BCKDHB: variants seen among roughly 807,000 people sequenced by gnomAD.
BCKDHB encodes the protein 2-oxoisovalerate dehydrogenase subunit beta, mitochondrial.
A neutral mutation model predicts 48.5 loss-of-function variants in BCKDHB; 41 were observed. The ratio of observed to expected loss-of-function variants is 0.85; its 90% CI spans 0.66 to 1.10. BCKDHB has a LOEUF of 1.10. Among genes scored for constraint, BCKDHB ranks in the 50% least tolerant of loss-of-function variants. The probability of loss-of-function intolerance (pLI) is 0.00; values close to 1 mark genes in which losing one functional copy is unlikely to be tolerated. For missense variants in BCKDHB, 496 were observed against 494.2 expected (o/e 1.00, Z -0.03); for synonymous variants, 201 against 174.8 (o/e 1.15, Z -1.18).
rs554814618 is a variant in BCKDHB, at chr6:80,139,965, T to C, written c.343+10736T>C. Among the ~76,000 whole-genome samples the C allele has an allele frequency of 1.7e-3, 257 of 152,162 alleles. 1 individual carries two copies. The highest frequency in any genetic ancestry group is 5.8e-3 in the African/African-American group (242 of 41,526). On this transcript the variant is annotated intron_variant, in intron 3 of 9. Transcript: ENST00000320393. Reference sequence around the variant, plus strand: ...GAAATGTTCTTCCATTTGTTTGTATTCTCTTTTATTTCATTGAGCAGTGGT... The same window carrying C: ...GAAATGTTCTTCCATTTGTTTGTATCCTCTTTTATTTCATTGAGCAGTGGT...
the BCKDHB span, among the ~76,000 whole-genome samples, chr6:80,432,141 T>A: frequency 5.7e-3 from 868 of 152,282 alleles, 9 homozygotes; most frequent in African/African-American, 0.019. Flanking sequence ...TCCTTCATTT[T>A]AATCCTGGTG....
At chr6:80,191,591 T>G (rs1370837769) in intron 6 of BCKDHB, among the ~76,000 whole-genome samples, 1 of 152,230 alleles carries the variant, frequency 6.6e-6, no homozygotes, top group African/African-American at 2.4e-5. Context: ...TATTGGATTG[T>G]GACTTAAAAA....
chr6:80,380,577 GACAA>G, the BCKDHB span, among the ~76,000 whole-genome samples: 2 of 151,728 alleles, frequency 1.3e-5, no homozygotes, highest in Non-Finnish European at 3.0e-5. Flanking sequence ...AGCAAAAACA[GACAA>G]ACAGACTCAA....
At chr6:80,332,849 G>T (rs1344394677) in intron 9 of BCKDHB, among the ~76,000 whole-genome samples, 3 of 151,782 alleles carry the variant, frequency 2.0e-5, no homozygotes, top group Admixed American at 6.6e-5. Context: ...CAGGCAAACG[G>T]CTAGGAATTA....
intron 9 of BCKDHB, among the ~76,000 whole-genome samples, chr6:80,336,094 G>A (rs1769577328): frequency 6.6e-6 from 1 of 151,766 alleles, no homozygotes; most frequent in Admixed American, 6.6e-5. Flanking sequence ...CTATAGTTTT[G>A]AGAAAATAGT....
At chr6:80,330,273 T>C (rs538959760) in intron 9 of BCKDHB, among the ~76,000 whole-genome samples, 1 of 152,210 alleles carries the variant, frequency 6.6e-6, no homozygotes, top group East Asian at 1.9e-4. Flanking sequence ...AGTGGATGAG[T>C]TGAAGGTTCA....
chr6:80,170,492 TC>T (rs1772854790), intron 5 of BCKDHB, among the ~76,000 whole-genome samples: 1 of 152,190 alleles, frequency 6.6e-6, no homozygotes, highest in African/African-American at 2.4e-5. Context: ...GACTCTTTGA[TC>T]AAGCAAGTCG....
At chr6:80,113,162 C>T (rs1458378703) in intron 1 of BCKDHB, among the ~76,000 whole-genome samples, 2 of 152,206 alleles carry the variant, frequency 1.3e-5, no homozygotes, top group South Asian at 2.1e-4. Flanking sequence ...TCACCTGAAA[C>T]GTGTGAATTC....
At chr6:80,111,370 A>G (rs1408228626) in intron 1 of BCKDHB, among the ~76,000 whole-genome samples, 1 of 152,146 alleles carries the variant, frequency 6.6e-6, no homozygotes, top group Non-Finnish European at 1.5e-5. Context: ...GCACTGCTAG[A>G]GTTTTGCCTT....
chr6:80,405,788 A>T, the BCKDHB span, among the ~76,000 whole-genome samples: 1 of 152,266 alleles, frequency 6.6e-6, no homozygotes, highest in African/African-American at 2.4e-5. Flanking sequence ...TTTAATACTG[A>T]TAGCATATAA....
At chr6:80,276,246 T>A (rs1199656112) in intron 9 of BCKDHB, among the ~76,000 whole-genome samples, 1 of 152,016 alleles carries the variant, frequency 6.6e-6, no homozygotes, top group Non-Finnish European at 1.5e-5. Flanking sequence ...CCTACAAAAT[T>A]GCTTTTAAAA....
intron 3 of BCKDHB, among the ~76,000 whole-genome samples, chr6:80,166,950 C>CT (rs1001274473): frequency 6.6e-6 from 1 of 151,792 alleles, no homozygotes; most frequent in African/African-American, 2.4e-5. Flanking sequence ...TTTGGTATGC[C>CT]TTTTTTGTCA....
chr6:80,158,301 C>A (rs1457023375), intron 3 of BCKDHB, among the ~76,000 whole-genome samples: 1 of 152,116 alleles, frequency 6.6e-6, no homozygotes, highest in African/African-American at 2.4e-5. Flanking sequence ...TTTTTATCTT[C>A]TTTAATTTGT....
the BCKDHB span, among the ~76,000 whole-genome samples, chr6:80,388,767 G>C: frequency 1.3e-5 from 2 of 152,176 alleles, no homozygotes; most frequent in African/African-American, 2.4e-5. Context: ...CTGGTTCACA[G>C]ATGATTCTGC....
At chr6:80,342,556 G>GAAAAAAAA (rs34127398) in intron 9 of BCKDHB, among the ~76,000 whole-genome samples, 5 of 24,092 alleles carry the variant, frequency 2.1e-4, no homozygotes, top group Admixed American at 1.4e-3. Flanking sequence ...CCTCATTTCT[G>GAAAAAAAA]AAAAAAAAAA....
intron 1 of BCKDHB, among the ~76,000 whole-genome samples, chr6:80,119,863 T>G (rs1180819476): frequency 6.6e-6 from 1 of 150,470 alleles, no homozygotes; most frequent in Non-Finnish European, 1.5e-5. Context: ...ATCTTTTTTT[T>G]CCTATTTTTT....
chr6:80,148,910 C>T (rs1406339688), intron 3 of BCKDHB, among the ~76,000 whole-genome samples: 1 of 152,160 alleles, frequency 6.6e-6, no homozygotes, highest in Non-Finnish European at 1.5e-5. Context: ...TAGGCATGGA[C>T]AAGGACTTCA....
intron 9 of BCKDHB, among the ~76,000 whole-genome samples, chr6:80,276,246 T>G (rs1199656112): frequency 5.9e-5 from 9 of 152,134 alleles, no homozygotes; most frequent in Non-Finnish European, 4.4e-5. Context: ...CCTACAAAAT[T>G]GCTTTTAAAA....
the BCKDHB span, among the ~76,000 whole-genome samples, chr6:80,432,600 C>T: frequency 4.5e-4 from 69 of 152,088 alleles, no homozygotes; most frequent in East Asian, 1.6e-3. Flanking sequence ...CAAGGTTCTT[C>T]GTTTCTTTGC....
Sources: gnomAD v4.1 joint callset for allele counts (sites outside exome capture counted in the v4.1 genomes callset) on GRCh38, gnomAD v4.1.1 for gene constraint, MANE v1.5 for transcripts, NCBI Gene and HGNC (gene_info 2026-07-23, HGNC 2026-07-21) for gene names.